Variants in ZHX3 observed in about 807,000 individuals in gnomAD.
ZHX3 encodes the protein zinc fingers and homeoboxes 3.
Under a neutral mutation model 64.5 loss-of-function variants are expected in ZHX3, and 20 were observed. That is an observed-to-expected ratio of 0.31 (90% CI 0.22 to 0.45). ZHX3 has a LOEUF of 0.45. Among genes scored for constraint, ZHX3 ranks in the 20% least tolerant of loss-of-function variants. The pLI, the probability that ZHX3 is intolerant of heterozygous loss-of-function variation, is 1.00. For synonymous variants in ZHX3, 423 were observed against 461.6 expected (o/e 0.92, Z 1.07); for missense variants, 1,041 against 1,195.8 (o/e 0.87, Z 1.91).
intron 1 of ZHX3, chr20:41,290,290 T>A (rs2044164300): frequency 6.6e-6 from 1 of 152,202 alleles, no homozygotes; most frequent in Non-Finnish European, 1.5e-5. Flanking sequence ...AGAGACAGGG[T>A]CTCACTCTGT....
At chr20:41,242,543 A>G (rs2041449853) in intron 2 of ZHX3, among the ~76,000 whole-genome samples, 1 of 152,206 alleles carries the variant, frequency 6.6e-6, no homozygotes, top group Non-Finnish European at 1.5e-5. Context: ...TAGCTTTGTG[A>G]ACCCTGTGAA....
rs2042193465 is a variant in ZHX3 at position 41,255,335 on chromosome 20, CAG to C, written c.-151+13653_-151+13654del. On this transcript the variant is annotated intron_variant, in intron 2 of 3. Transcript: ENST00000683867. ...CCCAGCTAATTTTTTGTATTTTTAGCAGAGACAGGGTTTCACCATGTTAACCA... is the reference window on the plus strand; with the variant it reads ...CCCAGCTAATTTTTTGTATTTTTAGCAGACAGGGTTTCACCATGTTAACCA... Among the ~76,000 whole-genome samples the C allele has an allele frequency of 3.9e-5, 6 of 151,990 alleles. No homozygotes were observed. The East Asian group carries it at 1.2e-3, about 29-fold the overall frequency.
Position 41,203,076 on chromosome 20 carries a change from G to A in ZHX3, c.1841C>T (p.Thr614Ile). Residue 614 changes from threonine (T) to isoleucine (I), a missense_variant, in exon 3 of 4, where the codon ACC becomes ATC. Transcript: ENST00000683867. The surrounding 1 kb of genome is among the most constrained non-coding windows in gnomAD (Gnocchi z 7.1). ...CTCAGGGGCTCTCTCCTTGTATTTG[G>A]TTGGTGTGAAGTCAGGAGTCTGGTG... ...SWHQTPDFTP[T>I]KYKERAPEQL... 6.2e-7 allele frequency: 1 copy of A among 1,614,128 alleles called. No individual in the cohort carries two copies. Among genetic ancestry groups the A allele is most frequent in the South Asian group, 1.1e-5 (1 of 91,082 alleles).
At chr20:41,248,571 C>T (rs1458228701) in intron 2 of ZHX3, among the ~76,000 whole-genome samples, 1 of 152,120 alleles carries the variant, frequency 6.6e-6, no homozygotes, top group Non-Finnish European at 1.5e-5. Flanking sequence ...TTGGTGGCTG[C>T]CAGAGCTCAG....
rs1390413537 is a variant in ZHX3 at position 41,204,526 on chromosome 20, A to G, written c.391T>C (p.Cys131Arg). The change falls in exon 3 of 4, where the codon TGT (cysteine) becomes CGT (arginine). Residue 131 changes from cysteine (C) to arginine (R), a missense_variant. Physicochemically the swap from Cys to Arg is radical, Grantham distance 180 (BLOSUM62 -3). This residue lies in a region of ZHX3 where 358 missense variants were observed against 369.1 expected (regional missense o/e 0.97). Coordinates refer to ENST00000683867, the MANE Select transcript of ZHX3 (RefSeq NM_001384317.1). This position sits in a 1 kb window ranked among gnomAD's most constrained non-coding sequence, Gnocchi z 6.6. ...ACAAAGCTGGCTTCCCCGGAGTGAC[A>G]TGTGGCATTGTGCAAGGAAAGCCCC... The part of the protein sequence containing the change: ...PEGLSLHNAT[C>R]HSGEASFVWN... 2.5e-6 allele frequency: 4 copies of G among 1,614,224 alleles called. No homozygotes were observed. Among genetic ancestry groups the G allele is most frequent in the East Asian group, 2.2e-5 (1 of 44,888 alleles).
chr20:41,250,002 G>C (rs879445030), intron 2 of ZHX3, among the ~76,000 whole-genome samples: 1 of 152,126 alleles, frequency 6.6e-6, no homozygotes, highest in African/African-American at 2.4e-5. Flanking sequence ...GCACCAACAA[G>C]GGGGATAGCT....
chr20:41,220,859 A>AT lies in ZHX3; in HGVS notation c.-150-15794dup, dbSNP rs1228875003. Among the ~76,000 whole-genome samples the AT allele has an allele frequency of 4.5e-3, 664 of 146,814 alleles. 12 individuals are homozygous for AT. Among genetic ancestry groups the AT allele is most frequent in the Admixed American group, 0.03 (444 of 14,726 alleles). On this transcript the variant is annotated intron_variant, in intron 2 of 3. Transcript: ENST00000683867. ...CAGATGCGTGCCACCATGCCCAGCTATTTTTTTTTTGTAGAGATGAGGTTT... is the reference window on the plus strand; with the variant it reads ...CAGATGCGTGCCACCATGCCCAGCTATTTTTTTTTTTGTAGAGATGAGGTTT...
intron 2 of ZHX3, among the ~76,000 whole-genome samples, chr20:41,257,377 T>TA (rs2042313715): frequency 6.6e-6 from 1 of 152,204 alleles, no homozygotes. Flanking sequence ...TCCACTACTG[T>TA]ACCCTTTAAA....
intron 2 of ZHX3, among the ~76,000 whole-genome samples, chr20:41,251,587 T>A (rs1446661199): frequency 6.6e-6 from 1 of 152,106 alleles, no homozygotes; most frequent in African/African-American, 2.4e-5. Flanking sequence ...TAAAGATAAA[T>A]GATCTAAATA....
chr20:41,260,394 ACAAACTG>A (rs1568911414), intron 2 of ZHX3, among the ~76,000 whole-genome samples: 1 of 152,262 alleles, frequency 6.6e-6, no homozygotes, highest in Non-Finnish European at 1.5e-5. Context: ...TAAAACTTTT[ACAAACTG>A]TTTTTAAGAG....
chr20:41,267,260 TA>T (rs1365245025), intron 2 of ZHX3, among the ~76,000 whole-genome samples: 1 of 127,766 alleles, frequency 7.8e-6, no homozygotes, highest in African/African-American at 3.6e-5. Context: ...AAAGTGGCTA[TA>T]AATTACCTTC....
At position 41,202,137 on chromosome 20, in the gene ZHX3, C is replaced by T. The variant is rs1259742920; in HGVS notation, c.2780G>A (p.Ser927Asn). 2 of 1,614,190 alleles carry T rather than the reference C, an allele frequency of 1.2e-6. No individual in the cohort carries two copies. Among genetic ancestry groups the T allele is most frequent in the Admixed American group, 3.3e-5 (2 of 60,026 alleles). The stretch of plus-strand genomic sequence containing the variant: ...AGGGACACGGGGCTCCCACGACTCA[C>T]TGTTCTCAGACACCTCTGAATAGGT... ...GDTYSEVSEN[S>N]ESWEPRVPEA... The change falls in exon 3 of 4, where the codon AGT becomes AAT. Residue 927 changes from serine (S) to asparagine (N), a missense_variant. Physicochemically the swap from Ser to Asn is conservative, Grantham distance 46 (BLOSUM62 1). Coordinates refer to ENST00000683867, the MANE Select transcript of ZHX3 (RefSeq NM_001384317.1). The surrounding 1 kb of genome is among the most constrained non-coding windows in gnomAD (Gnocchi z 7.0).
intron 1 of ZHX3, among the ~76,000 whole-genome samples, chr20:41,271,438 T>C (rs1055258292): frequency 1.3e-5 from 2 of 152,184 alleles, no homozygotes; most frequent in Non-Finnish European, 2.9e-5. Context: ...GTTCAGTTGA[T>C]TGGTTGATTC....
At chr20:41,257,222 C>G (rs2042304804) in intron 2 of ZHX3, among the ~76,000 whole-genome samples, 1 of 152,158 alleles carries the variant, frequency 6.6e-6, no homozygotes, top group South Asian at 2.1e-4. Flanking sequence ...GAACTTAAGG[C>G]TACTAAGTGG....
chr20:41,300,695 G>T (rs758015052), intron 1 of ZHX3, among the ~76,000 whole-genome samples: 7 of 152,182 alleles, frequency 4.6e-5, no homozygotes, highest in Non-Finnish European at 1.0e-4. Flanking sequence ...AGCTGGAAAG[G>T]CAAGTAGTGT....
intron 1 of ZHX3, among the ~76,000 whole-genome samples, chr20:41,277,023 G>C (rs761117940): frequency 2.0e-5 from 3 of 152,196 alleles, no homozygotes; most frequent in Non-Finnish European, 4.4e-5. Flanking sequence ...TTCTAGAAAA[G>C]ACAAAATTTC....
At chr20:41,291,746 A>G (rs1405527239) in intron 1 of ZHX3, among the ~76,000 whole-genome samples, 1 of 152,116 alleles carries the variant, frequency 6.6e-6, no homozygotes, top group Non-Finnish European at 1.5e-5. Context: ...TGGGCCATCA[A>G]TTAAAAGTAA....
chr20:41,215,008 A>C (rs985286722), intron 2 of ZHX3, among the ~76,000 whole-genome samples: 5 of 152,318 alleles, frequency 3.3e-5, no homozygotes, highest in African/African-American at 1.2e-4. Flanking sequence ...TAATCCCAGC[A>C]CTTGGAAGGC....
intron 1 of ZHX3, chr20:41,271,935 C>T (rs2043168178): frequency 6.6e-6 from 1 of 152,032 alleles, no homozygotes. Flanking sequence ...ACAAAATCAC[C>T]AGAAAAACTT....
Sources: gnomAD v4.1 joint callset for allele counts (sites outside exome capture counted in the v4.1 genomes callset) on GRCh38, gnomAD v4.1.1 for gene constraint, gnomAD v4.1.1 regional missense constraint, Gnocchi (gnomAD v3.1) non-coding constraint, MANE v1.5 for transcripts, NCBI Gene and HGNC (gene_info 2026-07-23, HGNC 2026-07-21) for gene names.